Variants in ADCY8 observed in about 807,000 individuals in gnomAD.
The protein encoded by ADCY8 is adenylate cyclase 8.
A neutral mutation model predicts 119.7 loss-of-function variants in ADCY8; 51 were observed. The observed-to-expected ratio is 0.43, with a 90% CI of 0.34 to 0.54. ADCY8 has a LOEUF of 0.54. Among genes scored for constraint, ADCY8 ranks in the 20% least tolerant of loss-of-function variants. ADCY8 has a pLI of 0.03. For synonymous variants in ADCY8, 665 were observed against 651.0 expected, an observed-to-expected ratio of 1.02 and a Z score of -0.33; for missense variants, 1,383 against 1,598.8, an observed-to-expected ratio of 0.87 and a Z score of 2.30.
chr8:131,015,781 G>A (rs527839883), intron 1 of ADCY8, among the ~76,000 whole-genome samples: 5 of 152,276 alleles, frequency 3.3e-5, no homozygotes, highest in African/African-American at 1.2e-4. Flanking sequence ...GAGGCTCAGA[G>A]AGGTAAAACA....
At chr8:130,965,968 A>G (rs1038848415) in intron 2 of ADCY8, among the ~76,000 whole-genome samples, 1 of 152,228 alleles carries the variant, frequency 6.6e-6, no homozygotes, top group Non-Finnish European at 1.5e-5. Flanking sequence ...CTCTACCTCC[A>G]GAACCCAACA....
rs1049429518 is a variant in ADCY8, at chr8:130,974,650, A to C, written c.1110+15743T>G. Among the ~76,000 whole-genome samples, 114 of 152,308 alleles carry C rather than the reference A, an allele frequency of 7.5e-4. 1 individual carries two copies. The highest frequency in any genetic ancestry group is 1.6e-4 in the Non-Finnish European group (11 of 68,022). On this transcript the variant is annotated intron_variant, in intron 2 of 17. Transcript: ENST00000286355. ...CTTACTGGGAGTTGCAGTTGAAAAA[A>C]TAAAAAGGCCATGAGTATTCCTTCC...
At chr8:130,795,759 C>T (rs1815560712) in intron 15 of ADCY8, among the ~76,000 whole-genome samples, 1 of 151,976 alleles carries the variant, frequency 6.6e-6, no homozygotes, top group East Asian at 1.9e-4. Flanking sequence ...ACATGGAGAA[C>T]ACAGGTAGGT....
chr8:130,857,699 G>A (rs2093177146), intron 9 of ADCY8, among the ~76,000 whole-genome samples: 1 of 152,172 alleles, frequency 6.6e-6, no homozygotes, highest in Admixed American at 6.5e-5. Context: ...AGCATCCTCT[G>A]ATGCTCAATT....
intron 5 of ADCY8, among the ~76,000 whole-genome samples, chr8:130,935,183 C>T (rs1820747523): frequency 6.6e-6 from 1 of 152,160 alleles, no homozygotes; most frequent in African/African-American, 2.4e-5. Flanking sequence ...TTGCCCTGTG[C>T]TGGAATGGTA....
intron 14 of ADCY8, 148 bp from the exon 15 acceptor site, chr8:130,800,720 T>C: frequency 2.3e-6 from 2 of 853,380 alleles, no homozygotes; most frequent in East Asian, 5.1e-5. Flanking sequence ...ATGTCAACAG[T>C]GTGTTTTAGT....
chr8:130,943,850 A>C (rs1316795818), intron 3 of ADCY8, among the ~76,000 whole-genome samples: 2 of 152,246 alleles, frequency 1.3e-5, no homozygotes, highest in African/African-American at 4.8e-5. Context: ...AACACAGAGT[A>C]AAATGGTCAC....
intron 5 of ADCY8, among the ~76,000 whole-genome samples, chr8:130,917,888 G>A (rs1254262185): frequency 1.3e-5 from 2 of 151,698 alleles, no homozygotes; most frequent in South Asian, 2.1e-4. Context: ...CTTTTCCAAC[G>A]TGCCCTCTGT....
intron 1 of ADCY8, among the ~76,000 whole-genome samples, chr8:130,993,497 C>G (rs1822667469): frequency 6.6e-6 from 1 of 152,122 alleles, no homozygotes; most frequent in South Asian, 2.1e-4. Flanking sequence ...GTGTCCCTAC[C>G]AAAATCTCAT....
intron 8 of ADCY8, among the ~76,000 whole-genome samples, chr8:130,881,625 C>T (rs190658907): frequency 4.5e-4 from 68 of 152,178 alleles, no homozygotes; most frequent in South Asian, 4.1e-4. Flanking sequence ...GCTTTAGAAT[C>T]ATAAATATTG....
intron 4 of ADCY8, among the ~76,000 whole-genome samples, chr8:130,942,517 AC>A (rs1296111071): frequency 2.6e-4 from 40 of 152,244 alleles, no homozygotes; most frequent in African/African-American, 9.6e-4. Flanking sequence ...AGCAGCATGT[AC>A]AATACCTAGT....
chr8:130,780,371 A>AAAAC lies in ADCY8; in HGVS notation c.*18_*19insGTTT. 9.3e-6 allele frequency: 13 copies of AAAAC among 1,404,832 alleles called. No homozygotes were observed. The highest frequency in any genetic ancestry group is 1.2e-5 in the Non-Finnish European group (13 of 1,074,626). 87.0% of individuals were successfully genotyped at this position (1,404,832 alleles called of 1,614,324 possible). On this transcript the variant is annotated 3_prime_UTR_variant, in exon 18 of 18. Coordinates refer to ENST00000286355, the MANE Select transcript of ADCY8 (RefSeq NM_001115.3). The stretch of plus-strand genomic sequence containing the variant: ...TATATAAAAGAAATACAAAAAAAAA[A>AAAAC]AACAGAAAGAAAATGCTTTTATGGC...
chr8:131,035,245 C>A (rs540084452), intron 1 of ADCY8, among the ~76,000 whole-genome samples: 1 of 152,088 alleles, frequency 6.6e-6, no homozygotes, highest in South Asian at 2.1e-4. Context: ...CGATTGTAGC[C>A]CTAGTGCTAC....
At chr8:130,946,132 G>C (rs1223641577) in intron 3 of ADCY8, among the ~76,000 whole-genome samples, 1 of 152,174 alleles carries the variant, frequency 6.6e-6, no homozygotes. Context: ...GTATCCATCT[G>C]TCTATGGCAA....
chr8:130,985,769 T>A (rs11995961), intron 2 of ADCY8, among the ~76,000 whole-genome samples: 1 of 151,948 alleles, frequency 6.6e-6, no homozygotes, highest in African/African-American at 2.4e-5. Flanking sequence ...GGAAACCCAG[T>A]TTTCTCAATC....
intron 9 of ADCY8, among the ~76,000 whole-genome samples, chr8:130,866,058 C>G (rs1818109307): frequency 6.6e-6 from 1 of 152,128 alleles, no homozygotes; most frequent in East Asian, 1.9e-4. Flanking sequence ...CATACAGGTA[C>G]TGATATCACA....
At chr8:131,001,139 T>C (rs988130475) in intron 1 of ADCY8, among the ~76,000 whole-genome samples, 3 of 152,040 alleles carry the variant, frequency 2.0e-5, no homozygotes, top group Admixed American at 6.6e-5. Flanking sequence ...TGAGAGTAAT[T>C]TGCCCAAAGC....
chr8:130,969,384 C>A (rs1004382426), intron 2 of ADCY8, among the ~76,000 whole-genome samples: 4 of 152,140 alleles, frequency 2.6e-5, no homozygotes, highest in Non-Finnish European at 5.9e-5. Flanking sequence ...ACTGAATGCA[C>A]CAATTCCTTA....
chr8:130,977,990 G>A lies in ADCY8; in HGVS notation c.1110+12403C>T, dbSNP rs557669635. ...TCTGACAAACTGTTCTTCAGCAAAC[G>A]TGTAGTAAGGAATGAGTTAGTGGCA... On this transcript the variant is annotated intron_variant, in intron 2 of 17. Transcript: ENST00000286355. Among the ~76,000 whole-genome samples, 7 of 152,302 alleles carry A rather than the reference G, an allele frequency of 4.6e-5. No homozygotes were observed. In the South Asian group the frequency reaches 1.2e-3, roughly 27 times the overall value.
Sources: gnomAD v4.1 joint callset for allele counts (sites outside exome capture counted in the v4.1 genomes callset) on GRCh38, gnomAD v4.1.1 for gene constraint, MANE v1.5 for transcripts, NCBI Gene and HGNC (gene_info 2026-07-23, HGNC 2026-07-21) for gene names.